The following IQUB variants were observed in gnomAD, a reference collection of about 807,000 sequenced individuals.
The protein encoded by IQUB is IQ motif and ubiquitin domain containing.
Under a neutral mutation model 86.4 loss-of-function variants are expected in IQUB, and 86 were observed. The observed-to-expected ratio is 1.00, with a 90% CI of 0.84 to 1.19. The LOEUF (loss-of-function observed/expected upper bound fraction) is 1.19. IQUB is among the 50% of genes most tolerant of loss of function. The probability of loss-of-function intolerance (pLI) is 0.00; values close to 1 mark genes in which losing one functional copy is unlikely to be tolerated. For synonymous variants in IQUB, 289 were observed against 304.5 expected, an observed-to-expected ratio of 0.95 and a Z score of 0.53; for missense variants, 946 against 916.9, an observed-to-expected ratio of 1.03 and a Z score of -0.41.
At chr7:123,470,780 G>A (rs535834565) in intron 8 of IQUB, among the ~76,000 whole-genome samples, 27 of 152,040 alleles carry the variant, frequency 1.8e-4, no homozygotes, top group African/African-American at 6.5e-4. Context: ...GAACCTGGGA[G>A]GCGGAGCTTG....
At chr7:123,521,651 AACACACACACACACAC>A (rs150359350) in intron 1 of IQUB, among the ~76,000 whole-genome samples, 3 of 144,312 alleles carry the variant, frequency 2.1e-5, no homozygotes, top group Non-Finnish European at 4.5e-5. Flanking sequence ...TGTCTAAATA[AACACACACACACACAC>A]ACACACACAC....
At position 123,502,637 on chromosome 7, in the gene IQUB, T is replaced by C. The variant is rs780287863; in HGVS notation, c.983A>G (p.Tyr328Cys). The change falls in exon 6 of 13, where the codon TAT becomes TGT. Residue 328 changes from tyrosine to cysteine, a missense_variant. Transcript: ENST00000324698. The stretch of plus-strand genomic sequence containing the variant: ...AGCATGGTATTCTGCTGCTGAAAAA[T>C]ACTTTCCTGGTGTTACCAGTTTATC... ...MTDKLVTPGK[Y>C]FSAAEYHAQR... The C allele has an allele frequency of 6.2e-7, 1 of 1,612,958 alleles. No individual in the cohort carries two copies. The highest frequency in any genetic ancestry group is 1.1e-5 in the South Asian group (1 of 90,708).
At chr7:123,464,586 C>T (rs561372509) in intron 10 of IQUB, among the ~76,000 whole-genome samples, 2 of 151,894 alleles carry the variant, frequency 1.3e-5, no homozygotes, top group Admixed American at 6.6e-5. Context: ...CAACGTAATG[C>T]AATATTCAGT....
chr7:123,469,417 T>A, intron 8 of IQUB, 33 bp from the exon 9 acceptor site: 1 of 1,323,876 alleles, frequency 7.6e-7, no homozygotes, highest in Non-Finnish European at 1.0e-6. Context: ...TAATTATCAG[T>A]TAATTAGAAA....
chr7:123,498,184 C>T (rs754184702), intron 6 of IQUB, among the ~76,000 whole-genome samples: 1 of 151,962 alleles, frequency 6.6e-6, no homozygotes, highest in Admixed American at 6.6e-5. Context: ...TATTGGCACA[C>T]TGGACATTAA....
At chr7:123,513,172 C>A (rs939949620) in intron 1 of IQUB, among the ~76,000 whole-genome samples, 1 of 152,094 alleles carries the variant, frequency 6.6e-6, no homozygotes, top group Non-Finnish European at 1.5e-5. Flanking sequence ...GAGCACAAAT[C>A]TTTATGGAGA....
intron 11 of IQUB, among the ~76,000 whole-genome samples, chr7:123,458,994 A>G (rs1793851082): frequency 6.6e-6 from 1 of 152,032 alleles, no homozygotes; most frequent in South Asian, 2.1e-4. Context: ...CACAAGATTT[A>G]CTATTTATGA....
At chr7:123,502,534 A>T (rs11770523) in intron 6 of IQUB, 63 bp downstream of exon 6, 425,505 of 1,421,074 alleles carry the variant, frequency 0.3, 65,580 homozygotes, top group East Asian at 0.4. Context: ...AAAGAGACAC[A>T]CTCGGAACAA....
chr7:123,497,480 G>A (rs1795754318), intron 6 of IQUB, among the ~76,000 whole-genome samples: 1 of 152,070 alleles, frequency 6.6e-6, no homozygotes, highest in Admixed American at 6.6e-5. Flanking sequence ...AATGGAGACT[G>A]AAGCAAACAA....
At chr7:123,522,646 C>T (rs935232792) in intron 1 of IQUB, among the ~76,000 whole-genome samples, 4 of 152,060 alleles carry the variant, frequency 2.6e-5, no homozygotes, top group African/African-American at 9.7e-5. Flanking sequence ...GATAATTATA[C>T]ATTAATAATG....
intron 6 of IQUB, 175 bp downstream of exon 6, chr7:123,502,422 G>A (rs984195712): frequency 2.0e-5 from 12 of 588,456 alleles, no homozygotes; most frequent in Non-Finnish European, 8.8e-6. Context: ...TAGGATGCTG[G>A]TTCTTTACAT....
chr7:123,508,441 A>G (rs1796284878), intron 3 of IQUB, among the ~76,000 whole-genome samples: 1 of 152,176 alleles, frequency 6.6e-6, no homozygotes, highest in Non-Finnish European at 1.5e-5. Context: ...TTATTTCTCT[A>G]CTTATTTCTG....
chr7:123,476,174 T>C (rs561887255), intron 8 of IQUB, among the ~76,000 whole-genome samples: 62 of 152,232 alleles, frequency 4.1e-4, no homozygotes, highest in African/African-American at 1.4e-3. Flanking sequence ...TGGAAAGAAT[T>C]CAGGCATGTA....
At chr7:123,498,079 A>C (rs1031526724) in intron 6 of IQUB, among the ~76,000 whole-genome samples, 3 of 151,958 alleles carry the variant, frequency 2.0e-5, no homozygotes, top group East Asian at 3.9e-4. Flanking sequence ...GGATGAAAAA[A>C]AAAAAGCCCC....
intron 12 of IQUB, among the ~76,000 whole-genome samples, chr7:123,454,231 T>G (rs959319710): frequency 2.6e-5 from 4 of 152,130 alleles, no homozygotes; most frequent in Non-Finnish European, 5.9e-5. Flanking sequence ...CACTTTATTA[T>G]GCTATATTAA....
rs1040277428 is a variant in IQUB, at chr7:123,452,583, A to G, written c.*160T>C. The G allele has an allele frequency of 2.4e-5, 10 of 418,966 alleles. No individual in the cohort carries two copies. The highest frequency in any genetic ancestry group is 4.2e-5 in the Non-Finnish European group (10 of 239,490). 26.0% of individuals were successfully genotyped at this position (418,966 alleles called of 1,614,324 possible). A position where few individuals can be genotyped will look rare whatever the true frequency, so the allele number is the denominator to read the frequency against. ...ACTTCCTAACAAAGAATACTTACTT[A>G]TATAGAAATGTTTTCTCTTTATATA... On this transcript the variant is annotated 3_prime_UTR_variant, in exon 13 of 13. Transcript: ENST00000324698.
intron 7 of IQUB, among the ~76,000 whole-genome samples, chr7:123,483,111 T>G (rs1319651696): frequency 6.6e-6 from 1 of 152,026 alleles, no homozygotes; most frequent in Middle Eastern, 3.2e-3. Context: ...TCACATGTGG[T>G]TTTCAATTCG....
Position 123,503,029 on chromosome 7 carries a change from G to A in IQUB, c.782C>T (p.Thr261Ile). The change falls in exon 5 of 13, where the codon ACA (threonine) becomes ATA (isoleucine). Residue 261 changes from threonine to isoleucine, a missense_variant. Transcript: ENST00000324698. Reference protein sequence around the residue: ...PFLGGFRHKVTGVEYHNAGTQ... With the variant: ...PFLGGFRHKVIGVEYHNAGTQ... ...TCCAGCATTGTGATACTCTACTCCT[G>A]TTACTTTATGTCTGAATCCACCAAG... 1 of 1,612,758 alleles carries A rather than the reference G, an allele frequency of 6.2e-7. No homozygotes were observed. The highest frequency in any genetic ancestry group is 8.5e-7 in the Non-Finnish European group (1 of 1,179,104).
At position 123,493,669 on chromosome 7, in the gene IQUB, C is replaced by T. The variant is rs142494356; in HGVS notation, c.1234+3027G>A. 1.4e-4 allele frequency among the ~76,000 whole-genome samples: 21 copies of T among 150,496 alleles called. No individual in the cohort carries two copies. The East Asian group carries it at 3.8e-3, about 27-fold the overall frequency. The stretch of plus-strand genomic sequence containing the variant: ...GGCAGGATTTGCTAAAGCTGAATTA[C>T]GTATATCCTATGAACCAGCAATTCC... On this transcript the variant is annotated intron_variant, in intron 7 of 12. Coordinates refer to ENST00000324698, the MANE Select transcript of IQUB (RefSeq NM_178827.5).
Sources: allele counts gnomAD v4.1 joint callset (sites outside exome capture counted in the v4.1 genomes callset), GRCh38; gene constraint gnomAD v4.1.1; transcripts MANE v1.5; gene names NCBI Gene and HGNC (gene_info 2026-07-23, HGNC 2026-07-21).